SLC24A2: variants seen among roughly 807,000 people sequenced by gnomAD.
SLC24A2 encodes the protein sodium/potassium/calcium exchanger 2.
Under a neutral mutation model 62.0 loss-of-function variants are expected in SLC24A2, and 36 were observed. The ratio of observed to expected loss-of-function variants is 0.58; its 90% CI spans 0.44 to 0.77. SLC24A2 has a LOEUF of 0.77. Among genes scored for constraint, SLC24A2 ranks in the 30% least tolerant of loss-of-function variants. The pLI, the probability that SLC24A2 is intolerant of heterozygous loss-of-function variation, is 0.00. For missense variants in SLC24A2, 846 were observed against 817.9 expected, an observed-to-expected ratio of 1.03 and a Z score of -0.42; for synonymous variants, 358 against 294.0, an observed-to-expected ratio of 1.22 and a Z score of -2.23.
the SLC24A2 span, among the ~76,000 whole-genome samples, chr9:20,162,280 G>C: frequency 2.2e-4 from 33 of 151,726 alleles, no homozygotes; most frequent in South Asian, 6.8e-3. Context: ...ACAATAGTTA[G>C]AAGATATAAT....
upstream of SLC24A2, among the ~76,000 whole-genome samples, chr9:19,790,211 A>C (rs1035487161): frequency 2.0e-5 from 3 of 152,200 alleles, no homozygotes; most frequent in African/African-American, 4.8e-5. Flanking sequence ...CTTGCAGACT[A>C]TAGGTGCCTG....
At chr9:20,143,832 A>G in the SLC24A2 span, among the ~76,000 whole-genome samples, 2 of 152,232 alleles carry the variant, frequency 1.3e-5, no homozygotes, top group African/African-American at 4.8e-5. Context: ...ATCCATCATC[A>G]AAATGTCAAT....
At chr9:20,165,209 A>G in the SLC24A2 span, among the ~76,000 whole-genome samples, 2 of 151,978 alleles carry the variant, frequency 1.3e-5, no homozygotes, top group Non-Finnish European at 2.9e-5. Flanking sequence ...ATATCTCAAC[A>G]TCATCAGGAT....
chr9:20,164,360 C>T, the SLC24A2 span, among the ~76,000 whole-genome samples: 1 of 152,048 alleles, frequency 6.6e-6, no homozygotes, highest in Non-Finnish European at 1.5e-5. Flanking sequence ...GACATTTATG[C>T]AGCGAAAAAA....
chr9:19,801,761 A>T, the SLC24A2 span, among the ~76,000 whole-genome samples: 6 of 152,242 alleles, frequency 3.9e-5, no homozygotes, highest in African/African-American at 1.4e-4. Flanking sequence ...TCACCTTCCC[A>T]GCCAGGCTTA....
At chr9:19,523,017 G>T (rs1410144800) in intron 9 of SLC24A2, among the ~76,000 whole-genome samples, 2 of 152,166 alleles carry the variant, frequency 1.3e-5, no homozygotes, top group Non-Finnish European at 2.9e-5. Context: ...GAATTCTAAA[G>T]TAGTGACTGA....
At chr9:20,277,563 C>T in the SLC24A2 span, among the ~76,000 whole-genome samples, 3 of 152,042 alleles carry the variant, frequency 2.0e-5, no homozygotes, top group South Asian at 2.1e-4. Context: ...GTTAGAATGG[C>T]AATCATTAAA....
chr9:19,578,589 A>G (rs1412264090), intron 5 of SLC24A2, among the ~76,000 whole-genome samples: 1 of 152,038 alleles, frequency 6.6e-6, no homozygotes, highest in Middle Eastern at 3.4e-3. Context: ...CTCTAGCAGC[A>G]TATTAACAGG....
intron 2 of SLC24A2, among the ~76,000 whole-genome samples, chr9:19,724,443 T>A (rs1821113430): frequency 2.0e-5 from 3 of 152,206 alleles, no homozygotes; most frequent in Non-Finnish European, 4.4e-5. Context: ...AAGACAACTT[T>A]GCACAATTTT....
chr9:20,188,866 T>C, the SLC24A2 span, among the ~76,000 whole-genome samples: 3 of 152,180 alleles, frequency 2.0e-5, no homozygotes, highest in African/African-American at 7.2e-5. Context: ...TCCAGAAATG[T>C]AACAGGAAAA....
chr9:19,900,799 C>CCCT, the SLC24A2 span, among the ~76,000 whole-genome samples: 3 of 152,158 alleles, frequency 2.0e-5, no homozygotes, highest in African/African-American at 7.2e-5. Flanking sequence ...CTAACACTTA[C>CCCT]CCTAAAACCC....
At chr9:20,122,504 C>T in the SLC24A2 span, among the ~76,000 whole-genome samples, 2 of 152,018 alleles carry the variant, frequency 1.3e-5, no homozygotes, top group South Asian at 2.1e-4. Flanking sequence ...CTGGCCAACA[C>T]GGTGAAACCC....
the SLC24A2 span, among the ~76,000 whole-genome samples, chr9:20,244,087 G>C: frequency 1.3e-5 from 2 of 152,150 alleles, no homozygotes; most frequent in Non-Finnish European, 2.9e-5. Flanking sequence ...CATGGAGTCT[G>C]GGCCACTTTG....
At chr9:20,223,953 CCTT>C in the SLC24A2 span, among the ~76,000 whole-genome samples, 2 of 120,476 alleles carry the variant, frequency 1.7e-5, no homozygotes, top group African/African-American at 5.4e-5. Context: ...GAAGCAAGTA[CCTT>C]CTTCACGTGG....
chr9:19,955,140 T>C, the SLC24A2 span, among the ~76,000 whole-genome samples: 25 of 152,304 alleles, frequency 1.6e-4, no homozygotes, highest in African/African-American at 5.5e-4. Flanking sequence ...CAATTAATGA[T>C]ATATCATAGT....
intron 2 of SLC24A2, among the ~76,000 whole-genome samples, chr9:19,732,442 C>T (rs1162485366): frequency 6.6e-6 from 1 of 152,164 alleles, no homozygotes; most frequent in Admixed American, 6.5e-5. Context: ...TCCATCAGGG[C>T]TGGCAGCCTT....
chr9:20,013,493 T>C, the SLC24A2 span, among the ~76,000 whole-genome samples: 7 of 152,296 alleles, frequency 4.6e-5, no homozygotes, highest in South Asian at 1.2e-3. Context: ...CTTCATGACA[T>C]TGGTCTGGGC....
At chr9:20,136,677 C>G in the SLC24A2 span, among the ~76,000 whole-genome samples, 1 of 152,058 alleles carries the variant, frequency 6.6e-6, no homozygotes, top group African/African-American at 2.4e-5. Context: ...ACAGGTCTCA[C>G]TTAGGATTAA....
the SLC24A2 span, among the ~76,000 whole-genome samples, chr9:20,230,080 T>A: frequency 4.3e-4 from 65 of 152,316 alleles, no homozygotes; most frequent in South Asian, 2.3e-3. Context: ...TTTTTATGGC[T>A]GCATAGTATT....
Sources: allele counts gnomAD v4.1 joint callset (sites outside exome capture counted in the v4.1 genomes callset), GRCh38; gene constraint gnomAD v4.1.1; transcripts MANE v1.5; gene names NCBI Gene and HGNC (gene_info 2026-07-23, HGNC 2026-07-21).